Variants in MRPL58 observed in about 807,000 individuals in gnomAD.
MRPL58 encodes the protein mitochondrial ribosomal protein L58, also known as large ribosomal subunit protein mL62.
MRPL58 carries 17 observed loss-of-function variants against 26.0 expected under a neutral mutation model. The ratio of observed to expected loss-of-function variants is 0.65; its 90% confidence interval spans 0.45 to 0.98. The LOEUF (loss-of-function observed/expected upper bound fraction) is 0.98, where lower values mean the gene tolerates loss of function less well. Ranked by LOEUF, MRPL58 falls within the 50% of genes least tolerant of loss-of-function variation. MRPL58 has a pLI of 0.00. For synonymous variants in MRPL58, 100 were observed against 99.7 expected (o/e 1.00, Z -0.02); for missense variants, 250 against 269.0 (o/e 0.93, Z 0.49).
intron 1 of MRPL58, among the ~76,000 whole-genome samples, chr17:75,016,377 T>C (rs778659090): frequency 3.3e-5 from 5 of 151,874 alleles, no homozygotes; most frequent in Non-Finnish European, 5.9e-5. Flanking sequence ...GATCGCACTA[T>C]TGTACTCCAG....
chr17:75,014,694 G>A (rs1331110003), intron 1 of MRPL58, among the ~76,000 whole-genome samples: 2 of 151,532 alleles, frequency 1.3e-5, no homozygotes, highest in Admixed American at 6.6e-5. Flanking sequence ...TGATCTGCTC[G>A]CCTCAGCCTC....
chr17:75,016,339 C>T (rs1272305685), intron 1 of MRPL58, among the ~76,000 whole-genome samples: 1 of 151,928 alleles, frequency 6.6e-6, no homozygotes, highest in Non-Finnish European at 1.5e-5. Context: ...TCACTTGAAC[C>T]CAAGAGGCGG....
intron 1 of MRPL58, 96 bp downstream of exon 1, chr17:75,012,968 G>C (rs2039943593): frequency 1.7e-6 from 2 of 1,165,852 alleles, no homozygotes; most frequent in Admixed American, 2.7e-5. Flanking sequence ...GAGCTACGTC[G>C]GGGGGCTACG....
intron 2 of MRPL58, among the ~76,000 whole-genome samples, chr17:75,018,008 T>C (rs1359810521): frequency 6.6e-6 from 1 of 152,028 alleles, no homozygotes; most frequent in East Asian, 1.9e-4. Flanking sequence ...GTAAAGAGAC[T>C]ATCTCGGGTG....
chr17:75,016,486 A>T (rs2039975286), intron 1 of MRPL58, among the ~76,000 whole-genome samples: 1 of 152,090 alleles, frequency 6.6e-6, no homozygotes, highest in South Asian at 2.1e-4. Flanking sequence ...GGAGGGCCAG[A>T]AAAGCCTCGG....
intron 5 of MRPL58, 39 bp from the exon 6 acceptor site, chr17:75,020,882 T>C (rs367763999): frequency 2.7e-6 from 4 of 1,509,372 alleles, no homozygotes; most frequent in African/African-American, 2.7e-5. Context: ...AAAGCACTGA[T>C]TGGGCATCTG....
intron 1 of MRPL58, among the ~76,000 whole-genome samples, chr17:75,013,538 C>T (rs1444439734): frequency 1.3e-5 from 2 of 152,152 alleles, no homozygotes; most frequent in Non-Finnish European, 2.9e-5. Flanking sequence ...TGGAGGGAGA[C>T]AAGCAGTAAG....
At chr17:75,017,817 G>A (rs1346737541) in intron 2 of MRPL58, among the ~76,000 whole-genome samples, 1 of 151,970 alleles carries the variant, frequency 6.6e-6, no homozygotes, top group African/African-American at 2.4e-5. Context: ...CCAGCTACTC[G>A]GAAGGCTGAG....
chr17:75,020,805 G>A (rs2035833), intron 5 of MRPL58, 116 bp from the exon 6 acceptor site: 26,438 of 1,185,912 alleles, frequency 0.022, 355 homozygotes, highest in Non-Finnish European at 0.026. Context: ...CGAGGCCTGC[G>A]GGCTAGTGCC....
At chr17:75,013,419 T>C (rs1421632137) in intron 1 of MRPL58, among the ~76,000 whole-genome samples, 1 of 151,642 alleles carries the variant, frequency 6.6e-6, no homozygotes, top group Admixed American at 6.6e-5. Context: ...AGAATATCCA[T>C]TCATTTGTTC....
intron 1 of MRPL58, among the ~76,000 whole-genome samples, chr17:75,014,082 G>T (rs1397891905): frequency 6.6e-6 from 1 of 151,992 alleles, no homozygotes; most frequent in Non-Finnish European, 1.5e-5. Flanking sequence ...ATGAGAATTG[G>T]TCAGATCCTA....
intron 5 of MRPL58, 83 bp downstream of exon 5, chr17:75,020,740 C>G (rs2040011302): frequency 2.8e-6 from 4 of 1,452,900 alleles, no homozygotes; most frequent in Non-Finnish European, 2.9e-6. Flanking sequence ...AGGGGAGAGT[C>G]CAAGGCCGGC....
intron 2 of MRPL58, among the ~76,000 whole-genome samples, chr17:75,018,972 G>A (rs2039995126): frequency 6.6e-6 from 1 of 152,074 alleles, no homozygotes; most frequent in Non-Finnish European, 1.5e-5. Flanking sequence ...TTTGTAGCTT[G>A]AAGCTGTGCC....
rs1175702127 is a variant in MRPL58, at chr17:75,020,121, G to A, written c.284-192G>A. The A allele has an allele frequency of 3.9e-5, 22 of 560,130 alleles. No homozygotes were observed. In the South Asian group the frequency reaches 4.0e-4, roughly 10 times the overall value. 34.7% of individuals were successfully genotyped at this position (560,130 alleles called of 1,614,324 possible). ...GAGAAGGACTGGGTGCTTAGTTACT[G>A]GAAGTCTATTTTTGCCCAAAAGTGC... On this transcript the variant is annotated intron_variant, in intron 3 of 5. Coordinates refer to ENST00000301585, the MANE Select transcript of MRPL58 (RefSeq NM_001545.3).
Position 75,012,776 on chromosome 17 carries a change from G to A in MRPL58, c.90G>A (p.Leu30=). 1 of 1,604,402 alleles carries A rather than the reference G, an allele frequency of 6.2e-7. No individual in the cohort carries two copies. Among genetic ancestry groups the A allele is most frequent in the Admixed American group, 1.7e-5 (1 of 58,846 alleles). The change falls in exon 1 of 6, where the codon CTG becomes CTA. Residue 30 remains leucine, a synonymous_variant. Coordinates refer to ENST00000301585, the MANE Select transcript of MRPL58 (RefSeq NM_001545.3). The part of the protein sequence containing the change: ...PPPARCPRRA[L]HKQKDGTEFK... ...CCGCACGGTGCCCACGCCGGGCGCT[G>A]CACAAGCAGAAAGACGGCACTGAGT... is the stretch of plus-strand genomic sequence containing the variant.
chr17:75,018,260 C>T (rs1448151986), intron 2 of MRPL58, among the ~76,000 whole-genome samples: 1 of 149,632 alleles, frequency 6.7e-6, no homozygotes, highest in East Asian at 2.0e-4. Context: ...GAGATGGAGT[C>T]TCGCTCTGTC....
chr17:75,015,508 A>G (rs765668166), intron 1 of MRPL58, among the ~76,000 whole-genome samples: 19 of 152,150 alleles, frequency 1.2e-4, no homozygotes, highest in Non-Finnish European at 1.8e-4. Context: ...AAAACTGGCT[A>G]TTTTCATCAG....
chr17:75,018,786 T>C (rs1444529125), intron 2 of MRPL58: 3 of 152,116 alleles, frequency 2.0e-5, no homozygotes, highest in Non-Finnish European at 4.4e-5. Flanking sequence ...ACAATGAGCC[T>C]TTTTTAGATT....
At chr17:75,014,433 G>C (rs1379741968) in intron 1 of MRPL58, among the ~76,000 whole-genome samples, 9 of 134,184 alleles carry the variant, frequency 6.7e-5, no homozygotes, top group African/African-American at 2.6e-4. Context: ...GTGAGCCACC[G>C]CGCCAGGCTT....
Sources: allele counts gnomAD v4.1 joint callset (sites outside exome capture counted in the v4.1 genomes callset), GRCh38; gene constraint gnomAD v4.1.1; transcripts MANE v1.5; gene names NCBI Gene and HGNC (gene_info 2026-07-23, HGNC 2026-07-21).